CPNE5: variants seen among roughly 807,000 people sequenced by gnomAD.
The protein encoded by CPNE5 is copine-5.
In CPNE5, 42 loss-of-function variants were observed where a neutral mutation model predicts 81.1. That is an observed-to-expected ratio of 0.52 (90% CI 0.40 to 0.67). The LOEUF is 0.67. CPNE5 is among the 30% of genes least tolerant of loss of function. CPNE5 has a pLI of 0.00. For missense variants in CPNE5, 612 were observed against 815.5 expected (o/e 0.75, Z 3.04); for synonymous variants, 313 against 321.5 (o/e 0.97, Z 0.28).
chr6:36,750,852 A>G (rs1764736728), intron 14 of CPNE5, among the ~76,000 whole-genome samples: 1 of 152,186 alleles, frequency 6.6e-6, no homozygotes, highest in Non-Finnish European at 1.5e-5. Flanking sequence ...CCTTGCTCTA[A>G]CTAGTCCTCC....
chr6:36,839,137 C>A lies in CPNE5; in HGVS notation c.95+146G>T, dbSNP rs1773805885. On this transcript the variant is annotated intron_variant, in intron 1 of 20. Coordinates refer to ENST00000244751, the MANE Select transcript of CPNE5 (RefSeq NM_020939.2). This position sits in a 1 kb window ranked among gnomAD's most constrained non-coding sequence, Gnocchi z 7.3. The stretch of plus-strand genomic sequence containing the variant: ...CACCCGCAGCTGGACAGGACAGGGG[C>A]TCTTGGCAGATCGGCAGGGGCGCAG... The A allele has an allele frequency of 5.2e-6, 3 of 578,678 alleles. No homozygotes were observed. The allele number at this position is 578,678 out of a possible 1,614,324, so 35.8% of individuals were successfully genotyped here. A position where few individuals can be genotyped will look rare whatever the true frequency, so the allele number is the denominator to read the frequency against.
intron 9 of CPNE5, among the ~76,000 whole-genome samples, chr6:36,777,210 A>T (rs1467415464): frequency 6.6e-6 from 1 of 152,078 alleles, no homozygotes; most frequent in Admixed American, 6.5e-5. Flanking sequence ...AGTCCGGCCG[A>T]GTGAGGTCCC....
At chr6:36,775,127 T>C in intron 9 of CPNE5, 62 bp from the exon 10 acceptor site, 1 of 1,238,970 alleles carries the variant, frequency 8.1e-7, no homozygotes, top group Non-Finnish European at 1.2e-6. Flanking sequence ...CGAATGCAGG[T>C]CAACAGAGGA....
chr6:36,776,070 G>T (rs1767472482), intron 9 of CPNE5, among the ~76,000 whole-genome samples: 1 of 152,152 alleles, frequency 6.6e-6, no homozygotes, highest in Non-Finnish European at 1.5e-5. Context: ...ACTTATCCCA[G>T]ATGGGCCCGA....
chr6:36,769,802 A>G (rs916298), intron 10 of CPNE5, among the ~76,000 whole-genome samples: 11,760 of 152,142 alleles, frequency 0.077, 551 homozygotes, highest in East Asian at 0.17. Flanking sequence ...ATCTGTGGAG[A>G]TGCCTGATAG....
At chr6:36,834,400 A>C (rs1180239138) in intron 1 of CPNE5, among the ~76,000 whole-genome samples, 2 of 152,014 alleles carry the variant, frequency 1.3e-5, no homozygotes, top group Non-Finnish European at 2.9e-5. Context: ...TCATGCCTGC[A>C]ATCCCGGCAA....
At chr6:36,745,619 C>T (rs760059057) in intron 16 of CPNE5, 104 bp from the exon 17 acceptor site, 43 of 1,327,082 alleles carry the variant, frequency 3.2e-5, no homozygotes, top group Non-Finnish European at 3.9e-5. Context: ...CCTGGGCTCC[C>T]CCAGGTCTTC....
chr6:36,752,223 C>A (rs558288302), intron 14 of CPNE5, among the ~76,000 whole-genome samples: 1 of 152,138 alleles, frequency 6.6e-6, no homozygotes, highest in Non-Finnish European at 1.5e-5. Flanking sequence ...CAGACAGGTG[C>A]AGTCACTCAC....
At chr6:36,794,400 C>A (rs930388700) in intron 7 of CPNE5, among the ~76,000 whole-genome samples, 190 bp downstream of exon 7, 10 of 152,246 alleles carry the variant, frequency 6.6e-5, no homozygotes, top group South Asian at 4.1e-4. Context: ...GGGCCCACTG[C>A]CGAGTGGGGG....
At chr6:36,794,710 C>G in intron 6 of CPNE5, 61 bp from the exon 7 acceptor site, 3 of 1,483,414 alleles carry the variant, frequency 2.0e-6, no homozygotes, top group Non-Finnish European at 2.8e-6. Flanking sequence ...CCCAGACAGG[C>G]CAGCGCACTT....
At chr6:36,792,169 AGCCCCCTGCCCATCCTCCCCC>A in intron 7 of CPNE5, 73 bp from the exon 8 acceptor site, 1 of 1,452,592 alleles carries the variant, frequency 6.9e-7, no homozygotes, top group Non-Finnish European at 9.7e-7. Context: ...TCCCTCAATC[AGCCCCCTGCCCATCCTCCCCC>A]GCCCCCTACC....
At chr6:36,816,781 T>G (rs565888534) in intron 3 of CPNE5, among the ~76,000 whole-genome samples, 14 of 152,282 alleles carry the variant, frequency 9.2e-5, no homozygotes, top group African/African-American at 3.4e-4. Flanking sequence ...CCCAGTATGT[T>G]TGTTTGTTTG....
At chr6:36,782,347 A>G (rs1461279627) in intron 8 of CPNE5, among the ~76,000 whole-genome samples, 2 of 152,232 alleles carry the variant, frequency 1.3e-5, no homozygotes, top group African/African-American at 2.4e-5. Flanking sequence ...TCCAGAGGCA[A>G]CAGCTCTTAG....
Position 36,798,346 on chromosome 6 carries a change from C to T in CPNE5, c.328-105G>A, listed in dbSNP as rs1769781575. 3 of 1,501,156 alleles carry T rather than the reference C, an allele frequency of 2.0e-6. No individual in the cohort carries two copies. In the Admixed American group the frequency reaches 5.1e-5, roughly 26 times the overall value. 93.0% of individuals were successfully genotyped at this position (1,501,156 alleles called of 1,614,324 possible). Reference sequence around the variant, plus strand: ...TGGAAGCGTGAGGGCCCTTAAATGACAGGACGCAGCGTCGGACACACATTC... The same window carrying T: ...TGGAAGCGTGAGGGCCCTTAAATGATAGGACGCAGCGTCGGACACACATTC... On this transcript the variant is annotated intron_variant, in intron 5 of 20. Transcript: ENST00000244751.
At chr6:36,822,245 G>A in intron 2 of CPNE5, 85 bp from the exon 3 acceptor site, 2 of 1,229,502 alleles carry the variant, frequency 1.6e-6, no homozygotes, top group South Asian at 1.7e-5. Flanking sequence ...TGGCTGGGCA[G>A]GCGCCTCAGC....
chr6:36,835,319 A>G (rs964713843), intron 1 of CPNE5, among the ~76,000 whole-genome samples: 1 of 152,218 alleles, frequency 6.6e-6, no homozygotes, highest in Non-Finnish European at 1.5e-5. Context: ...TCAGACAGGT[A>G]AGTTTTGATT....
intron 3 of CPNE5, among the ~76,000 whole-genome samples, chr6:36,820,289 T>C (rs115474549): frequency 0.22 from 33,081 of 150,320 alleles, 4,095 homozygotes; most frequent in African/African-American, 0.3. Flanking sequence ...ACAGCCACCA[T>C]GGCCTTGGCA....
intron 3 of CPNE5, among the ~76,000 whole-genome samples, chr6:36,814,875 C>T (rs2150570036): frequency 6.6e-6 from 1 of 152,236 alleles, no homozygotes. Flanking sequence ...GTACTTAGAA[C>T]AGTGTCTATG....
chr6:36,799,904 G>T, intron 4 of CPNE5, 63 bp downstream of exon 4: 1 of 1,220,562 alleles, frequency 8.2e-7, no homozygotes, highest in East Asian at 2.3e-5. Flanking sequence ...CAGGTCTGTG[G>T]TCCTACCTGC....
Sources: allele counts gnomAD v4.1 joint callset (sites outside exome capture counted in the v4.1 genomes callset), GRCh38; gene constraint gnomAD v4.1.1; non-coding constraint Gnocchi (gnomAD v3.1); transcripts MANE v1.5; gene names NCBI Gene and HGNC (gene_info 2026-07-23, HGNC 2026-07-21).